The following KAT2A variants were observed in gnomAD, a reference collection of about 807,000 sequenced individuals.
KAT2A encodes the protein histone acetyltransferase KAT2A.
A neutral mutation model predicts 95.2 loss-of-function variants in KAT2A; 42 were observed. That is an observed-to-expected ratio of 0.44 (90% CI 0.34 to 0.57). The LOEUF (loss-of-function observed/expected upper bound fraction) is 0.57. Among genes scored for constraint, KAT2A ranks in the 20% least tolerant of loss-of-function variants. The pLI is 0.01. For synonymous variants in KAT2A, 449 were observed against 448.2 expected, an observed-to-expected ratio of 1.00 and a Z score of -0.02; for missense variants, 784 against 1,126.3, an observed-to-expected ratio of 0.70 and a Z score of 4.35.
At chr17:42,116,973 G>C in intron 11 of KAT2A, 62 bp downstream of exon 11, 1 of 1,597,794 alleles carries the variant, frequency 6.3e-7, no homozygotes, top group Non-Finnish European at 8.5e-7. Flanking sequence ...CTGCTGCTCC[G>C]AACTGGCCCA....
chr17:42,118,462 G>A (rs2054293504), intron 6 of KAT2A, 59 bp from the exon 7 acceptor site: 1 of 1,200,320 alleles, frequency 8.3e-7, no homozygotes, highest in Admixed American at 1.7e-5. Flanking sequence ...GCCTGGGCCA[G>A]GCAGCAGAGG....
At position 42,121,099 on chromosome 17, in the gene KAT2A, C is replaced by T. The variant is rs1555667249; in HGVS notation, c.206G>A (p.Gly69Glu). 2.0e-6 allele frequency: 3 copies of T among 1,535,576 alleles called. No individual in the cohort carries two copies. The highest frequency in any genetic ancestry group is 2.4e-5 in the East Asian group (1 of 41,474). ...GTGGPGVGSGGAGSGGDPARP... is the reference protein window; with the variant it reads ...GTGGPGVGSGEAGSGGDPARP... ...AGCCGGATCCCCCCCGCTCCCGGCC[C>T]CCCCACTTCCTACCCCGGGCCCCCC... Residue 69 changes from glycine to glutamate, a missense_variant, in exon 1 of 18, where the codon GGG (glycine) becomes GAG (glutamate). By Grantham distance (98) the Gly-to-Glu change is moderately conservative. This residue lies in a region of KAT2A where 142 missense variants were observed against 123.2 expected (regional missense o/e 1.15). Transcript: ENST00000225916.
Position 42,117,339 on chromosome 17 carries a change from A to AGGGAACTGGGTGTGCTGCCCT in KAT2A, c.1637+28_1637+48dup. Reference sequence around the variant, plus strand: ...TGAGGAGTGAAGAGGCCGAGGAGGAAGGGAACTGGGTGTGCTGCCCTGGGG... The same window carrying AGGGAACTGGGTGTGCTGCCCT: ...TGAGGAGTGAAGAGGCCGAGGAGGAAGGGAACTGGGTGTGCTGCCCTGGGAACTGGGTGTGCTGCCCTGGGG... On this transcript the variant is annotated intron_variant, in intron 10 of 17. Transcript: ENST00000225916. The surrounding 1 kb of genome is among the most constrained non-coding windows in gnomAD (Gnocchi z 8.9). The AGGGAACTGGGTGTGCTGCCCT allele has an allele frequency of 6.3e-7, 1 of 1,593,828 alleles. No homozygotes were observed. Among genetic ancestry groups the AGGGAACTGGGTGTGCTGCCCT allele is most frequent in the Non-Finnish European group, 8.6e-7 (1 of 1,163,612 alleles).
chr17:42,116,258 G>A (rs564475695), intron 11 of KAT2A, among the ~76,000 whole-genome samples: 5 of 152,308 alleles, frequency 3.3e-5, no homozygotes, highest in South Asian at 2.1e-4. Context: ...GCGGGAGAGG[G>A]AGTCACCAGA....
chr17:42,113,515 G>T lies in KAT2A; in HGVS notation c.*134C>A. ...CCTGAAGGTCCAGAAAGAGCTGCAG[G>T]ATCGGGTCCGGAGGACCCTTGGCTG... On this transcript the variant is annotated 3_prime_UTR_variant, in exon 18 of 18. Coordinates refer to ENST00000225916, the MANE Select transcript of KAT2A (RefSeq NM_021078.3). 1.3e-6 allele frequency: 1 copy of T among 757,858 alleles called. No homozygotes were observed. Among genetic ancestry groups the T allele is most frequent in the Non-Finnish European group, 2.1e-6 (1 of 476,228 alleles). 46.9% of individuals were successfully genotyped at this position (757,858 alleles called of 1,614,324 possible). A position where few individuals can be genotyped will look rare whatever the true frequency, so the allele number is the denominator to read the frequency against.
chr17:42,120,184 C>A, intron 3 of KAT2A, 41 bp downstream of exon 3: 1 of 1,613,898 alleles, frequency 6.2e-7, no homozygotes, highest in Non-Finnish European at 8.5e-7. Context: ...CCCTCAAGGC[C>A]CCACCTCCTT....
chr17:42,113,642 G>C lies in KAT2A; in HGVS notation c.*7C>G. ...TTCCAGGTCAGGGCTGCGGCCCAAA[G>C]ATGGGCCTACTTGTCAATGAGGCCT... is the stretch of plus-strand genomic sequence containing the variant. On this transcript the variant is annotated 3_prime_UTR_variant, in exon 18 of 18. Transcript: ENST00000225916. 6.2e-7 allele frequency: 1 copy of C among 1,603,800 alleles called. No homozygotes were observed. Among genetic ancestry groups the C allele is most frequent in the South Asian group, 1.1e-5 (1 of 90,086 alleles).
chr17:42,120,414 T>C, intron 2 of KAT2A, 44 bp from the exon 3 acceptor site: 1 of 1,601,962 alleles, frequency 6.2e-7, no homozygotes, highest in South Asian at 1.1e-5. Flanking sequence ...ATAGAAGAAA[T>C]CAACAAGGCT....
chr17:42,113,472 G>A lies in KAT2A; in HGVS notation c.*177C>T. On this transcript the variant is annotated 3_prime_UTR_variant, in exon 18 of 18. Transcript: ENST00000225916. ...CACACACAGTGAAGGCTGGGACAGA[G>A]CTGCACGCTTGGGGGTGCCTGAAGG... The A allele has an allele frequency of 1.7e-6, 1 of 575,914 alleles. No homozygotes were observed. Among genetic ancestry groups the A allele is most frequent in the Non-Finnish European group, 3.0e-6 (1 of 334,492 alleles). The allele number at this position is 575,914 out of a possible 1,614,324, so 35.7% of individuals were successfully genotyped here. A position where few individuals can be genotyped will look rare whatever the true frequency, so the allele number is the denominator to read the frequency against.
chr17:42,115,561 G>A, intron 12 of KAT2A, 162 bp downstream of exon 12: 1 of 628,818 alleles, frequency 1.6e-6, no homozygotes, highest in South Asian at 1.8e-5. Flanking sequence ...CTCCCCTGGG[G>A]CAATGGCAGC....
rs782307300 is a variant in KAT2A at position 42,117,004 on chromosome 17, A to ACTGGGG, written c.1764+25_1764+30dup. The ACTGGGG allele has an allele frequency of 9.9e-6, 16 of 1,611,924 alleles. No individual in the cohort carries two copies. Among genetic ancestry groups the ACTGGGG allele is most frequent in the Non-Finnish European group, 1.3e-5 (15 of 1,179,524 alleles). On this transcript the variant is annotated intron_variant, in intron 11 of 17. Transcript: ENST00000225916. The surrounding 1 kb of genome is among the most constrained non-coding windows in gnomAD (Gnocchi z 8.9). ...GCCCAAACTCAGGAGTGGGCCGTGG[A>ACTGGGG]CTGGGGCTGGGGCCGGGGAGCCGCG...
chr17:42,120,126 A>C lies in KAT2A; in HGVS notation c.610-7T>G. The C allele has an allele frequency of 1.2e-6, 2 of 1,614,134 alleles. No homozygotes were observed. On this transcript the variant is annotated splice_polypyrimidine_tract_variant and splice_region_variant and intron_variant, in intron 3 of 17. Transcript: ENST00000225916. ...GGATGCATTTCCGCAGTAGCTAGAG[A>C]GAAGAGGAAGGGGGCATAGAGGGGA...
In KAT2A at chr17:42,121,290, G is replaced by C. The variant is rs1555667369; in HGVS notation, c.15C>G (p.Ser5=). The C allele has an allele frequency of 2.2e-6, 3 of 1,376,034 alleles. No homozygotes were observed. In the African/African-American group the frequency reaches 4.6e-5, roughly 21 times the overall value. 85.2% of individuals were successfully genotyped at this position (1,376,034 alleles called of 1,614,324 possible). ...CAGCCGGGGCCGGGGTCGGGGCCTG[G>C]GAAGGTTCCGCCATGGCCTCCCCCG... MAEP[S]QAPTPAPAAQ... is the part of the protein sequence containing the mutation. The change falls in exon 1 of 18, where the codon TCC becomes TCG. Residue 5 remains serine (S), a synonymous_variant. Transcript: ENST00000225916.
chr17:42,120,933 G>A, intron 1 of KAT2A, 33 bp downstream of exon 1: 1 of 1,551,400 alleles, frequency 6.4e-7, no homozygotes, highest in Non-Finnish European at 8.7e-7. Flanking sequence ...GATGCCCCAA[G>A]CCCCGCCCCT....
intron 12 of KAT2A, 146 bp from the exon 13 acceptor site, chr17:42,115,181 A>C: frequency 7.0e-6 from 6 of 851,108 alleles, no homozygotes; most frequent in Non-Finnish European, 1.1e-5. Flanking sequence ...TGAGGGTTCA[A>C]ACTGTCCCTG....
chr17:42,114,921 G>C lies in KAT2A; in HGVS notation c.1990C>G (p.Leu664Val). The C allele has an allele frequency of 1.2e-6, 2 of 1,614,032 alleles. No individual in the cohort carries two copies. The highest frequency in any genetic ancestry group is 1.7e-6 in the Non-Finnish European group (2 of 1,179,964). The change falls in exon 13 of 18, where the codon CTG becomes GTG. Residue 664 changes from leucine (L) to valine (V), a missense_variant. Around this residue, in one of 6 missense-constraint regions of KAT2A, gnomAD observed 195 missense variants for 247.1 expected, o/e 0.79. Coordinates refer to ENST00000225916, the MANE Select transcript of KAT2A (RefSeq NM_021078.3). This position sits in a 1 kb window ranked among gnomAD's most constrained non-coding sequence, Gnocchi z 6.0. ...ELNPRIPYTE[L>V]SHIIKKQKEI... ...TTCTGCTTCTTGATGATGTGGGACAGCTCCGTGTAGGGGATGCGGGGATTC... is the reference window on the plus strand; with the variant it reads ...TTCTGCTTCTTGATGATGTGGGACACCTCCGTGTAGGGGATGCGGGGATTC...
rs782520758 is a variant in KAT2A at position 42,119,581 on chromosome 17, C to T, written c.837G>A (p.Arg279=). The part of the protein sequence containing the change: ...KLETPAQFRQ[R]SQAEDVATYK... The stretch of plus-strand genomic sequence containing the variant: ...AGGTAGCCACGTCCTCAGCCTGAGA[C>T]CTCTGCCGAAACTGGGCAGGTGTCT... The change falls in exon 5 of 18, where the codon AGG becomes AGA. Residue 279 remains arginine, a synonymous_variant. Coordinates refer to ENST00000225916, the MANE Select transcript of KAT2A (RefSeq NM_021078.3). The surrounding 1 kb of genome is among the most constrained non-coding windows in gnomAD (Gnocchi z 5.3). 1 of 1,611,676 alleles carries T rather than the reference C, an allele frequency of 6.2e-7. No homozygotes were observed. Among genetic ancestry groups the T allele is most frequent in the Admixed American group, 1.7e-5 (1 of 59,716 alleles).
At chr17:42,118,140 A>T in intron 7 of KAT2A, 123 bp from the exon 8 acceptor site, 1 of 702,676 alleles carries the variant, frequency 1.4e-6, no homozygotes, top group East Asian at 2.9e-5. Flanking sequence ...GAAGCTGAGG[A>T]GAGAGAGAGA....
Position 42,118,031 on chromosome 17 carries a change from G to GAC in KAT2A, c.1181-15_1181-14insGT. On this transcript the variant is annotated splice_polypyrimidine_tract_variant and intron_variant, in intron 7 of 17. Transcript: ENST00000225916. ...CACTGACTGAAGCTGAGGAGAGAGA[G>GAC]AGACGTCAGGGATGGGGGGCTGAAG... The GAC allele has an allele frequency of 1.4e-6, 2 of 1,422,594 alleles. No individual in the cohort carries two copies. Among genetic ancestry groups the GAC allele is most frequent in the Non-Finnish European group, 1.9e-6 (2 of 1,049,384 alleles). The allele number at this position is 1,422,594 out of a possible 1,614,324, so 88.1% of individuals were successfully genotyped here.
Sources: gnomAD v4.1 joint callset for allele counts (sites outside exome capture counted in the v4.1 genomes callset) on GRCh38, gnomAD v4.1.1 for gene constraint, gnomAD v4.1.1 regional missense constraint, Gnocchi (gnomAD v3.1) non-coding constraint, MANE v1.5 for transcripts, NCBI Gene and HGNC (gene_info 2026-07-23, HGNC 2026-07-21) for gene names.